The following TM6SF2 variants were observed in gnomAD, a reference collection of about 807,000 sequenced individuals.
The protein encoded by TM6SF2 is transmembrane 6 superfamily member 2.
Under a neutral mutation model 41.0 loss-of-function variants are expected in TM6SF2, and 29 were observed. The ratio of observed to expected loss-of-function variants is 0.71; its 90% confidence interval spans 0.53 to 0.96. The LOEUF (loss-of-function observed/expected upper bound fraction) is 0.96, where lower values mean the gene tolerates loss of function less well. Ranked by LOEUF, TM6SF2 falls within the 50% of genes least tolerant of loss-of-function variation. The pLI, the probability that TM6SF2 is intolerant of heterozygous loss-of-function variation, is 0.00. For synonymous variants in TM6SF2, 200 were observed against 209.1 expected (o/e 0.96, Z 0.37); for missense variants, 475 against 499.0 (o/e 0.95, Z 0.46).
rs370140623 is a variant in TM6SF2, at chr19:19,268,702, C to T, written c.537G>A (p.Leu179=). The T allele has an allele frequency of 2.4e-4, 383 of 1,599,740 alleles. No homozygotes were observed. The highest frequency in any genetic ancestry group is 3.1e-4 in the Non-Finnish European group (361 of 1,175,472). Residue 179 remains leucine (L), a synonymous_variant, in exon 6 of 10, where the codon CTG becomes CTA. Coordinates refer to ENST00000389363, the MANE Select transcript of TM6SF2 (RefSeq NM_001001524.3). ...TCATGCCAGCCCAGCATGGCACCAG[C>T]AGGTAGGGGATGGTGAGGAAGAAGG... The part of the protein sequence containing the change: ...RPAFFLTIPY[L]LVPCWAGMKV...
intron 6 of TM6SF2, 126 bp from the exon 7 acceptor site, chr19:19,268,213 T>TTC: frequency 1.5e-6 from 1 of 674,132 alleles, no homozygotes; most frequent in Non-Finnish European, 2.4e-6. Context: ...TTTTTCTTTT[T>TTC]TTTTTTTTTT....
At position 19,264,531 on chromosome 19, in the gene TM6SF2, T is replaced by C; in HGVS notation, c.*133A>G. ...TTGGTCTCCATCCCACCCACTGGAC[T>C]GAAACTACCATAGCCAAGACTAAAG... On this transcript the variant is annotated 3_prime_UTR_variant, in exon 10 of 10. Transcript: ENST00000389363. The C allele has an allele frequency of 2.7e-6, 2 of 753,542 alleles. No individual in the cohort carries two copies. Among genetic ancestry groups the C allele is most frequent in the Admixed American group, 8.5e-5 (2 of 23,650 alleles). The allele number at this position is 753,542 out of a possible 1,614,324, so 46.7% of individuals were successfully genotyped here.
chr19:19,267,875 TTGA>T, intron 7 of TM6SF2, 108 bp downstream of exon 7: 4 of 1,093,956 alleles, frequency 3.7e-6, no homozygotes, highest in Non-Finnish European at 5.4e-6. Context: ...CAGGTTAGAC[TTGA>T]TGAAGAACTT....
chr19:19,265,619 A>G (rs551711432), intron 9 of TM6SF2, among the ~76,000 whole-genome samples: 1 of 152,082 alleles, frequency 6.6e-6, no homozygotes. Flanking sequence ...GGTTTTTGCC[A>G]TGTTGCCTAG....
chr19:19,264,740 C>A lies in TM6SF2; in HGVS notation c.1058G>T (p.Arg353Leu). ...YALGPHLLAY[R>L]CLQWPAFFHQ... is the part of the protein sequence containing the mutation. ...GAAGAATGCGGGCCACTGAAGGCAA[C>A]GGTAGGCCAGCAGGTGGGGGCCCAG... Residue 353 changes from arginine to leucine, a missense_variant, in exon 10 of 10, where the codon CGT becomes CTT. Physicochemically the swap from Arg to Leu is moderately radical, Grantham distance 102. Transcript: ENST00000389363. The A allele has an allele frequency of 6.2e-7, 1 of 1,604,330 alleles. No individual in the cohort carries two copies. Among genetic ancestry groups the A allele is most frequent in the Admixed American group, 1.7e-5 (1 of 58,704 alleles).
chr19:19,273,004 G>T, intron 1 of TM6SF2, 117 bp downstream of exon 1: 1 of 789,848 alleles, frequency 1.3e-6, no homozygotes, highest in Non-Finnish European at 1.8e-6. Context: ...GGGGCGCAGG[G>T]CTCGCAGAAG....
At chr19:19,270,467 C>G (rs1030058235) in intron 2 of TM6SF2, 25 bp from the exon 3 acceptor site, 6 of 1,594,504 alleles carry the variant, frequency 3.8e-6, no homozygotes, top group Non-Finnish European at 5.1e-6. Flanking sequence ...CGGGCCGGGT[C>G]AGGTGTGGGA....
Position 19,269,754 on chromosome 19 carries a change from A to G in TM6SF2, c.417T>C (p.Asn139=). The G allele has an allele frequency of 6.2e-7, 1 of 1,614,126 alleles. No individual in the cohort carries two copies. The highest frequency in any genetic ancestry group is 2.2e-5 in the East Asian group (1 of 44,870). ...AGGAACCCAGCCAGTAGAGTCCAAA[A>G]TTCCGGTATCTCTTCCTGAGCAGGG... ...GAICRRKRYR[N]FGLYWLGSFA... is the part of the protein sequence containing the mutation. Residue 139 remains asparagine, a synonymous_variant, in exon 5 of 10, where the codon AAT becomes AAC. Transcript: ENST00000389363.
At chr19:19,270,634 G>C (rs1201740015) in intron 2 of TM6SF2, among the ~76,000 whole-genome samples, 192 bp from the exon 3 acceptor site, 2 of 152,182 alleles carry the variant, frequency 1.3e-5, no homozygotes, top group African/African-American at 4.8e-5. Context: ...ATGTCTGATG[G>C]AGGAGACACA....
intron 1 of TM6SF2, among the ~76,000 whole-genome samples, chr19:19,272,692 GGTGTGTGTGTGTGTGTGTGTGT>G (rs55690765): frequency 7.3e-6 from 1 of 136,748 alleles, no homozygotes; most frequent in Admixed American, 7.4e-5. Context: ...AATGGAGTAG[GGTGTGTGTGTGTGTGTGTGTGT>G]GTGTGTGTGT....
chr19:19,269,251 T>A (rs2061014374), intron 5 of TM6SF2, among the ~76,000 whole-genome samples: 4 of 152,182 alleles, frequency 2.6e-5, no homozygotes, highest in African/African-American at 9.7e-5. Flanking sequence ...ACCTTCTGAA[T>A]ATGGATCCTA....
chr19:19,267,511 C>T, intron 8 of TM6SF2, 110 bp downstream of exon 8: 1 of 766,810 alleles, frequency 1.3e-6, no homozygotes, highest in Middle Eastern at 2.9e-4. Flanking sequence ...ACAGTAAATT[C>T]CATATGGGCT....
At chr19:19,273,061 T>TTGGCCCCCCCCCCCCCC in intron 1 of TM6SF2, 60 bp downstream of exon 1, 1 of 305,470 alleles carries the variant, frequency 3.3e-6, no homozygotes, top group Non-Finnish European at 6.1e-6. Flanking sequence ...CCTCCAGTCC[T>TTGGCCCCCCCCCCCCCC]CCCCGCCCCC....
chr19:19,271,170 AGGCATCGCCCCACTCTCCCTGGT>A (rs1275788168), intron 1 of TM6SF2, 45 bp from the exon 2 acceptor site: 1 of 1,491,462 alleles, frequency 6.7e-7, no homozygotes, highest in Non-Finnish European at 9.4e-7. Context: ...CCCAGTGCTG[AGGCATCGCCCCACTCTCCCTGGT>A]GGGGGAAGGG....
intron 5 of TM6SF2, 43 bp downstream of exon 5, chr19:19,269,644 C>G (rs752074221): frequency 6.2e-7 from 1 of 1,612,704 alleles, no homozygotes; most frequent in African/African-American, 1.3e-5. Flanking sequence ...AGGGCAGTGA[C>G]CAAGCCCAAG....
rs774644327 is a variant in TM6SF2 at position 19,267,963 on chromosome 19, G to T, written c.711+23C>A. The T allele has an allele frequency of 4.4e-6, 7 of 1,590,756 alleles. No individual in the cohort carries two copies. In the Admixed American group the frequency reaches 5.1e-5, roughly 11 times the overall value. ...AGGGAGACTGGTGGCAGGGGAGGGGGAGACCAACCAGCGCAGACTCACCAG... is the reference window on the plus strand; with the variant it reads ...AGGGAGACTGGTGGCAGGGGAGGGGTAGACCAACCAGCGCAGACTCACCAG... On this transcript the variant is annotated intron_variant, in intron 7 of 9. Coordinates refer to ENST00000389363, the MANE Select transcript of TM6SF2 (RefSeq NM_001001524.3).
At chr19:19,267,878 A>G in intron 7 of TM6SF2, 108 bp downstream of exon 7, 1 of 1,095,866 alleles carries the variant, frequency 9.1e-7, no homozygotes, top group Non-Finnish European at 1.4e-6. Flanking sequence ...GTTAGACTTG[A>G]TGAAGAACTT....
intron 6 of TM6SF2, 114 bp from the exon 7 acceptor site, chr19:19,268,201 CTTTTTTCT>C: frequency 3.1e-5 from 21 of 670,382 alleles, no homozygotes; most frequent in South Asian, 2.6e-4. Context: ...TCTTTTTTTT[CTTTTTTCT>C]TTTTTTTTTT....
In TM6SF2 at chr19:19,271,109, A is replaced by G. The variant is rs1222576908; in HGVS notation, c.112T>C (p.Leu38=). Residue 38 remains leucine (L), a synonymous_variant, in exon 2 of 10, where the codon TTG becomes CTG. Transcript: ENST00000389363. ...AGACCCAGGATTAGGGCGCTCATCA[A>G]TGCCACCCACAGGGGGCTGTGGAGA... ...SALSHPLWVA[L]MSALILGLLF... 3 of 1,614,170 alleles carry G rather than the reference A, an allele frequency of 1.9e-6. No individual in the cohort carries two copies. Among genetic ancestry groups the G allele is most frequent in the East Asian group, 2.2e-5 (1 of 44,876 alleles).
Sources: allele counts gnomAD v4.1 joint callset (sites outside exome capture counted in the v4.1 genomes callset), GRCh38; gene constraint gnomAD v4.1.1; transcripts MANE v1.5; gene names NCBI Gene and HGNC (gene_info 2026-07-23, HGNC 2026-07-21).